The following MARCHF1 variants were observed in gnomAD, a reference collection of about 807,000 sequenced individuals.
MARCHF1 encodes E3 ubiquitin-protein ligase MARCHF1.
In MARCHF1, 40 loss-of-function variants were observed where a neutral mutation model predicts 54.2. The observed-to-expected ratio is 0.74, with a 90% CI of 0.57 to 0.96. The LOEUF is 0.96. Among genes scored for constraint, MARCHF1 ranks in the 40% least tolerant of loss-of-function variants. The pLI is 0.00. For missense variants in MARCHF1, 586 were observed against 656.5 expected, an observed-to-expected ratio of 0.89 and a Z score of 1.17; for synonymous variants, 236 against 236.3, an observed-to-expected ratio of 1.00 and a Z score of 0.01.
intron 4 of MARCHF1, among the ~76,000 whole-genome samples, chr4:163,708,288 G>A (rs1270137189): frequency 3.3e-5 from 5 of 151,972 alleles, no homozygotes; most frequent in Non-Finnish European, 2.9e-5. Context: ...CAGACCTCGG[G>A]AGGATGGCTG....
intron 1 of MARCHF1, among the ~76,000 whole-genome samples, chr4:164,350,408 GATAAGAGGA>G (rs934049923): frequency 1.8e-4 from 28 of 152,244 alleles, no homozygotes; most frequent in Admixed American, 1.3e-4. Flanking sequence ...ATCACAGCTA[GATAAGAGGA>G]ATAAGTTCTA....
chr4:163,732,751 T>C (rs902414201), intron 4 of MARCHF1, among the ~76,000 whole-genome samples: 19 of 152,126 alleles, frequency 1.2e-4, no homozygotes, highest in African/African-American at 4.1e-4. Context: ...ATCTTTCAAC[T>C]ATACTTTTAC....
chr4:163,892,640 A>T (rs894925306), intron 3 of MARCHF1, among the ~76,000 whole-genome samples: 20 of 151,530 alleles, frequency 1.3e-4, no homozygotes, highest in African/African-American at 4.3e-4. Context: ...ATTAAAAAAA[A>T]ATAAAAATAA....
Position 163,928,863 on chromosome 4 carries a change from A to G in MARCHF1, c.-39+59638T>C, listed in dbSNP as rs147022287. Among the ~76,000 whole-genome samples, 42 of 151,986 alleles carry G rather than the reference A, an allele frequency of 2.8e-4. No individual in the cohort carries two copies. The East Asian group carries it at 7.7e-3, about 28-fold the overall frequency. ...AATTAAAATATATTATTTTCTTAAT[A>G]TAACTTTTGAAATCTCACTGTTCTA... On this transcript the variant is annotated intron_variant, in intron 3 of 9. Coordinates refer to ENST00000514618, the MANE Select transcript of MARCHF1 (RefSeq NM_001394959.1).
intron 4 of MARCHF1, among the ~76,000 whole-genome samples, chr4:163,767,098 T>TAAGAAAAA (rs1746999921): frequency 9.4e-6 from 1 of 106,702 alleles, no homozygotes; most frequent in African/African-American, 3.5e-5. Flanking sequence ...TACGGCGATG[T>TAAGAAAAA]AAAAAAAAAA....
intron 3 of MARCHF1, among the ~76,000 whole-genome samples, chr4:163,909,758 T>C (rs1317418271): frequency 6.6e-6 from 1 of 152,190 alleles, no homozygotes; most frequent in African/African-American, 2.4e-5. Flanking sequence ...CCAGCTTAAA[T>C]TGCTTGAGTT....
At position 163,545,459 on chromosome 4, in the gene MARCHF1, G is replaced by A. The variant is rs188779015; in HGVS notation, c.1339+137C>T. 55 of 719,800 alleles carry A rather than the reference G, an allele frequency of 7.6e-5. No homozygotes were observed. In the African/African-American group the frequency reaches 8.8e-4, roughly 11 times the overall value. The allele number at this position is 719,800 out of a possible 1,614,324, so 44.6% of individuals were successfully genotyped here. ...TATTTTAATCAATAACATGATTAGG[G>A]AAGAATCAATAGCAAATACTAGCTT... On this transcript the variant is annotated intron_variant, in intron 9 of 9. Transcript: ENST00000514618.
At chr4:164,256,565 A>C (rs1002423314) in intron 1 of MARCHF1, among the ~76,000 whole-genome samples, 41 of 152,170 alleles carry the variant, frequency 2.7e-4, no homozygotes, top group Non-Finnish European at 1.9e-4. Flanking sequence ...TTTTTAAAAA[A>C]AGAAGGGAAA....
intron 2 of MARCHF1, among the ~76,000 whole-genome samples, chr4:164,075,584 A>C (rs1754959916): frequency 6.6e-6 from 1 of 152,240 alleles, no homozygotes; most frequent in African/African-American, 2.4e-5. Context: ...ACGTCATTAA[A>C]GTACTGTGGT....
chr4:164,273,352 A>C (rs993787338), intron 1 of MARCHF1, among the ~76,000 whole-genome samples: 1 of 152,144 alleles, frequency 6.6e-6, no homozygotes, highest in African/African-American at 2.4e-5. Flanking sequence ...GCACGGGGGA[A>C]ACTGCCCCCA....
intron 1 of MARCHF1, among the ~76,000 whole-genome samples, chr4:164,129,116 G>A (rs1756247401): frequency 1.3e-5 from 2 of 152,168 alleles, no homozygotes; most frequent in African/African-American, 2.4e-5. Flanking sequence ...CCTCTCCTTG[G>A]AGAAATGATG....
intron 2 of MARCHF1, among the ~76,000 whole-genome samples, chr4:164,000,635 G>A (rs990315490): frequency 2.6e-5 from 4 of 151,650 alleles, no homozygotes; most frequent in African/African-American, 9.7e-5. Flanking sequence ...TTAAGTCACT[G>A]TGGAGGTTAC....
At chr4:163,717,153 C>G (rs201439957) in intron 4 of MARCHF1, among the ~76,000 whole-genome samples, 1 of 118,974 alleles carries the variant, frequency 8.4e-6, no homozygotes, top group African/African-American at 3.1e-5. Flanking sequence ...CCCCTCCCCC[C>G]ACCCCATAAC....
intron 4 of MARCHF1, among the ~76,000 whole-genome samples, chr4:163,735,529 G>T (rs1038900432): frequency 1.3e-5 from 2 of 152,174 alleles, no homozygotes; most frequent in East Asian, 3.8e-4. Context: ...AGTTAAAGAG[G>T]CTAGGAAGTC....
At chr4:163,936,358 C>T (rs933498955) in intron 3 of MARCHF1, among the ~76,000 whole-genome samples, 2 of 152,158 alleles carry the variant, frequency 1.3e-5, no homozygotes, top group African/African-American at 4.8e-5. Context: ...TGCCACAAAC[C>T]TTCAGTGTGT....
chr4:163,945,799 A>C (rs1319975705), intron 3 of MARCHF1, among the ~76,000 whole-genome samples: 1 of 152,164 alleles, frequency 6.6e-6, no homozygotes, highest in African/African-American at 2.4e-5. Flanking sequence ...CTTTTTAGTC[A>C]GTTTAAGAAA....
intron 5 of MARCHF1, among the ~76,000 whole-genome samples, chr4:163,653,327 T>C (rs1032886379): frequency 4.0e-5 from 6 of 151,780 alleles, no homozygotes; most frequent in African/African-American, 7.2e-5. Flanking sequence ...AGGTTATGTA[T>C]ATCTTGTAGC....
At chr4:163,695,950 A>T (rs1744615576) in intron 5 of MARCHF1, among the ~76,000 whole-genome samples, 1 of 152,126 alleles carries the variant, frequency 6.6e-6, no homozygotes, top group Non-Finnish European at 1.5e-5. Flanking sequence ...TAAGTGATGG[A>T]TAATTGAAAG....
At chr4:163,731,328 T>G (rs143874946) in intron 4 of MARCHF1, among the ~76,000 whole-genome samples, 10 of 152,276 alleles carry the variant, frequency 6.6e-5, no homozygotes, top group Admixed American at 1.3e-4. Flanking sequence ...ACAGGCCAGA[T>G]TTATCTTCCC....
Sources: gnomAD v4.1 joint callset for allele counts (sites outside exome capture counted in the v4.1 genomes callset) on GRCh38, gnomAD v4.1.1 for gene constraint, MANE v1.5 for transcripts, NCBI Gene and HGNC (gene_info 2026-07-23, HGNC 2026-07-21) for gene names.